Variants in AMOTL2 observed in about 807,000 individuals in gnomAD.
AMOTL2 encodes the protein angiomotin-like protein 2.
AMOTL2 carries 33 observed loss-of-function variants against 78.4 expected under a neutral mutation model. That is an observed-to-expected ratio of 0.42 (90% CI 0.32 to 0.56). AMOTL2 has a LOEUF of 0.56. AMOTL2 is among the 20% of genes least tolerant of loss of function. AMOTL2 has a pLI of 0.12. For synonymous variants in AMOTL2, 422 were observed against 428.8 expected, an observed-to-expected ratio of 0.98 and a Z score of 0.20; for missense variants, 983 against 1,030.1, an observed-to-expected ratio of 0.95 and a Z score of 0.63.
intron 1 of AMOTL2, among the ~76,000 whole-genome samples, chr3:134,372,912 C>T (rs2017929108): frequency 7.9e-6 from 1 of 126,002 alleles, no homozygotes; most frequent in Non-Finnish European, 1.6e-5. Context: ...TCCACACTGC[C>T]ACAGGTCCTG....
At chr3:134,361,361 C>T in intron 6 of AMOTL2, 151 bp downstream of exon 6, 1 of 920,628 alleles carries the variant, frequency 1.1e-6, no homozygotes, top group Non-Finnish European at 1.6e-6. Context: ...AGAGAGCAAT[C>T]ATCCTCGCCG....
intron 6 of AMOTL2, 144 bp downstream of exon 6, chr3:134,361,368 G>T: frequency 1.0e-6 from 1 of 960,792 alleles, no homozygotes; most frequent in Non-Finnish European, 1.5e-6. Context: ...AATCATCCTC[G>T]CCGCCTTCCA....
chr3:134,370,811 C>T lies in AMOTL2; in HGVS notation c.623G>A (p.Gly208Glu). 6.4e-7 allele frequency: 1 copy of T among 1,569,476 alleles called. No homozygotes were observed. The highest frequency in any genetic ancestry group is 8.6e-7 in the Non-Finnish European group (1 of 1,157,104). ...AACATGAGGGTACTGAGGTGGGGGT[C>T]CTCGGGACTCTGGGCCCTCAGCAGG... ...GPPAEGPESR[G>E]PPPQYPHVVL... is the part of the protein sequence containing the mutation. Residue 208 changes from glycine to glutamate, a missense_variant, in exon 2 of 10, where the codon GGA (glycine) becomes GAA (glutamate). Transcript: ENST00000249883.
intron 8 of AMOTL2, among the ~76,000 whole-genome samples, 155 bp from the exon 9 acceptor site, chr3:134,358,874 T>C (rs1279588855): frequency 6.6e-6 from 1 of 152,228 alleles, no homozygotes; most frequent in Non-Finnish European, 1.5e-5. Flanking sequence ...TATTTTCAAA[T>C]GGGAATAACT....
rs2017833032 is a variant in AMOTL2 at position 134,371,030 on chromosome 3, C to T, written c.404G>A (p.Gly135Glu). 6.2e-7 allele frequency: 1 copy of T among 1,605,978 alleles called. No individual in the cohort carries two copies. Residue 135 changes from glycine (G) to glutamate (E), a missense_variant, in exon 2 of 10, where the codon GGG becomes GAG. Transcript: ENST00000249883. The stretch of plus-strand genomic sequence containing the variant: ...CTGCCTCCGACTGCCTCCCGGGGCC[C>T]CACGGGGATCTCGGTCCCCCGCATG... ...RPHAGDRDPR[G>E]APGGSRRQDE... is the part of the protein sequence containing the mutation.
intron 5 of AMOTL2, among the ~76,000 whole-genome samples, chr3:134,362,896 C>A (rs112028105): frequency 8.2e-4 from 125 of 152,178 alleles, no homozygotes; most frequent in Non-Finnish European, 1.6e-3. Flanking sequence ...CGCTAATGAA[C>A]CTAAAGGCAC....
rs1449516597 is a variant in AMOTL2, at chr3:134,371,084, T to G, written c.350A>C (p.Tyr117Ser). 1 of 1,612,042 alleles carries G rather than the reference T, an allele frequency of 6.2e-7. No individual in the cohort carries two copies. The highest frequency in any genetic ancestry group is 1.1e-5 in the South Asian group (1 of 90,526). The stretch of plus-strand genomic sequence containing the variant: ...CCGGGTCCCTGCCTGCTGGGCCGCA[T>G]AGTACTGCGAGTGGGCTTTGGCCTC... ...YEEAKAHSQY[Y>S]AAQQAGTRPH... The change falls in exon 2 of 10, where the codon TAT (tyrosine) becomes TCT (serine). Residue 117 changes from tyrosine to serine, a missense_variant. Transcript: ENST00000249883.
rs537039496 is a variant in AMOTL2, at chr3:134,357,148, C to T, written c.*557G>A. 1 of 157,670 alleles carries T rather than the reference C, an allele frequency of 6.3e-6. No homozygotes were observed. The highest frequency in any genetic ancestry group is 1.4e-5 in the Non-Finnish European group (1 of 70,646). 9.8% of individuals were successfully genotyped at this position (157,670 alleles called of 1,614,324 possible). On this transcript the variant is annotated 3_prime_UTR_variant, in exon 10 of 10. Transcript: ENST00000249883. ...AGGTGAGGCTGTGTCTTCTCCAAGACTAACACCCTTAATAGTCCCCAAAAA... is the reference window on the plus strand; with the variant it reads ...AGGTGAGGCTGTGTCTTCTCCAAGATTAACACCCTTAATAGTCCCCAAAAA...
intron 5 of AMOTL2, among the ~76,000 whole-genome samples, chr3:134,362,052 T>C (rs1281526122): frequency 6.6e-6 from 1 of 152,238 alleles, no homozygotes; most frequent in Non-Finnish European, 1.5e-5. Flanking sequence ...ACCCTGCCTT[T>C]CTACTGGGAC....
At chr3:134,361,075 G>C (rs1036261701) in intron 6 of AMOTL2, among the ~76,000 whole-genome samples, 1 of 152,154 alleles carries the variant, frequency 6.6e-6, no homozygotes, top group Non-Finnish European at 1.5e-5. Context: ...TCGGGAGGCT[G>C]AGGCAAGAGA....
rs2017847856 is a variant in AMOTL2, at chr3:134,371,232, G to C, written c.202C>G (p.Gln68Glu). The change falls in exon 2 of 10, where the codon CAG becomes GAG. Residue 68 changes from glutamine to glutamate, a missense_variant. Physicochemically the swap from Gln to Glu is conservative, Grantham distance 29. Coordinates refer to ENST00000249883, the MANE Select transcript of AMOTL2 (RefSeq NM_016201.4). ...CCCTGGGGCTCCTGCCTGGTGGCCT[G>C]CTGCAGCACCTGACTGTCCTCTGGG... is the stretch of plus-strand genomic sequence containing the variant. ...LAPEDSQVLQ[Q>E]ATRQEPQGQE... 1 of 1,613,334 alleles carries C rather than the reference G, an allele frequency of 6.2e-7. No homozygotes were observed. The highest frequency in any genetic ancestry group is 8.5e-7 in the Non-Finnish European group (1 of 1,180,000).
chr3:134,355,538 G>C lies in AMOTL2; in HGVS notation c.*2167C>G, dbSNP rs1368273755. Among the ~76,000 whole-genome samples, 2 of 152,206 alleles carry C rather than the reference G, an allele frequency of 1.3e-5. No individual in the cohort carries two copies. Among genetic ancestry groups the C allele is most frequent in the Non-Finnish European group, 2.9e-5 (2 of 68,040 alleles). On this transcript the variant is annotated 3_prime_UTR_variant, in exon 10 of 10. Transcript: ENST00000249883. ...TATGTGCTAGGTGGGAGTGGGAAAA[G>C]GAGTGGGGGAAGGATAAAGCCATCT...
At chr3:134,363,172 G>A (rs1043149221) in intron 5 of AMOTL2, among the ~76,000 whole-genome samples, 1 of 152,214 alleles carries the variant, frequency 6.6e-6, no homozygotes, top group African/African-American at 2.4e-5. Context: ...GCATGTGGAA[G>A]GGAGGATTCA....
At chr3:134,371,638 G>A (rs1021008206) in intron 1 of AMOTL2, 144 bp from the exon 2 acceptor site, 2 of 1,341,216 alleles carry the variant, frequency 1.5e-6, no homozygotes, top group Middle Eastern at 2.7e-4. Flanking sequence ...CACAAGCCTG[G>A]GTTCAAGTAC....
At chr3:134,371,602 G>T in intron 1 of AMOTL2, 108 bp from the exon 2 acceptor site, 1 of 1,441,930 alleles carries the variant, frequency 6.9e-7, no homozygotes, top group South Asian at 1.4e-5. Flanking sequence ...AAGCATAAAA[G>T]TGAAGAGCAG....
At chr3:134,363,638 GGCCAGAAGGGCAGT>G (rs1397010599) in intron 5 of AMOTL2, among the ~76,000 whole-genome samples, 3 of 152,220 alleles carry the variant, frequency 2.0e-5, no homozygotes, top group Admixed American at 2.0e-4. Flanking sequence ...GGCCTAGAAG[GGCCAGAAGGGCAGT>G]GCTGGGGGGC....
At chr3:134,364,841 C>A (rs2017535531) in intron 5 of AMOTL2, among the ~76,000 whole-genome samples, 1 of 152,122 alleles carries the variant, frequency 6.6e-6, no homozygotes. Flanking sequence ...ACTCCCATTC[C>A]ACTTCTCTGC....
chr3:134,364,078 C>T (rs1277492436), intron 5 of AMOTL2, among the ~76,000 whole-genome samples: 1 of 152,150 alleles, frequency 6.6e-6, no homozygotes, highest in East Asian at 1.9e-4. Flanking sequence ...GGCGAGGCGC[C>T]GACGGGACCC....
chr3:134,365,166 T>C (rs1029285424), intron 5 of AMOTL2, among the ~76,000 whole-genome samples: 3 of 151,520 alleles, frequency 2.0e-5, no homozygotes, highest in Non-Finnish European at 4.4e-5. Context: ...CTCCCTGCCA[T>C]GGTACCTTCC....
Sources: allele counts gnomAD v4.1 joint callset (sites outside exome capture counted in the v4.1 genomes callset), GRCh38; gene constraint gnomAD v4.1.1; transcripts MANE v1.5; gene names NCBI Gene and HGNC (gene_info 2026-07-23, HGNC 2026-07-21).